The following DNAAF9 variants were observed in gnomAD, a reference collection of about 807,000 sequenced individuals.
The protein encoded by DNAAF9 is shulin.
DNAAF9 carries 90 observed loss-of-function variants against 167.0 expected under a neutral mutation model. The observed-to-expected ratio is 0.54, with a 90% CI of 0.45 to 0.64. DNAAF9 has a LOEUF of 0.64. Among genes scored for constraint, DNAAF9 ranks in the 30% least tolerant of loss-of-function variants. The pLI is 0.00. For missense variants in DNAAF9, 1,315 were observed against 1,442.2 expected (o/e 0.91, Z 1.43); for synonymous variants, 491 against 508.8 (o/e 0.96, Z 0.47).
At position 3,250,550 on chromosome 20, in the gene DNAAF9, A is replaced by G. The variant is rs1341308467; in HGVS notation, c.*2022T>C. The G allele has an allele frequency of 6.6e-6, 1 of 152,154 alleles. No individual in the cohort carries two copies. Among genetic ancestry groups the G allele is most frequent in the Non-Finnish European group, 1.5e-5 (1 of 68,020 alleles). The allele number at this position is 152,154 out of a possible 1,614,324, so 9.4% of individuals were successfully genotyped here. A position where few individuals can be genotyped will look rare whatever the true frequency, so the allele number is the denominator to read the frequency against. On this transcript the variant is annotated 3_prime_UTR_variant, in exon 37 of 37. Transcript: ENST00000252032. ...TTGAGGTAATCACAGTTTTTTCTCT[A>G]AGAGGAGAGGAGTTGGGACAGTGGG...
At position 3,264,450 on chromosome 20, in the gene DNAAF9, A is replaced by T; in HGVS notation, c.2861T>A (p.Met954Lys). The T allele has an allele frequency of 7.5e-6, 11 of 1,473,062 alleles. No homozygotes were observed. Among genetic ancestry groups the T allele is most frequent in the Non-Finnish European group, 1.0e-5 (11 of 1,051,738 alleles). 91.2% of individuals were successfully genotyped at this position (1,473,062 alleles called of 1,614,324 possible). The change falls in exon 31 of 37, where the codon ATG becomes AAG. Residue 954 changes from methionine to lysine, a missense_variant. By Grantham distance (95) the Met-to-Lys change is moderately conservative. Coordinates refer to ENST00000252032, the MANE Select transcript of DNAAF9 (RefSeq NM_001009984.3). ...TGATGATACTTGCCAGCCAGGATACATTAAATATCGAGATCGTAGCATCTC... is the reference window on the plus strand; with the variant it reads ...TGATGATACTTGCCAGCCAGGATACTTTAAATATCGAGATCGTAGCATCTC... The part of the protein sequence containing the change: ...SPEMLRSRYL[M>K]YPGWYEGKLN...
intron 1 of DNAAF9, among the ~76,000 whole-genome samples, chr20:3,385,282 C>G (rs2083717746): frequency 6.6e-6 from 1 of 152,028 alleles, no homozygotes; most frequent in African/African-American, 2.4e-5. Context: ...GAAAACTGTT[C>G]CTATTTGCAG....
At chr20:3,382,326 TCA>T (rs1287581876) in intron 2 of DNAAF9, 99 bp downstream of exon 2, 1 of 880,740 alleles carries the variant, frequency 1.1e-6, no homozygotes, top group Non-Finnish European at 1.9e-6. Flanking sequence ...GGACACCAAC[TCA>T]CAGCTTATTT....
intron 32 of DNAAF9, 37 bp downstream of exon 32, chr20:3,259,885 T>C: frequency 3.3e-6 from 4 of 1,205,276 alleles, no homozygotes; most frequent in Non-Finnish European, 3.7e-6. Flanking sequence ...TGGGACACCC[T>C]TTTTCCAGTG....
intron 21 of DNAAF9, among the ~76,000 whole-genome samples, chr20:3,298,885 A>C (rs1216108209): frequency 2.0e-5 from 3 of 151,330 alleles, no homozygotes; most frequent in Admixed American, 6.6e-5. Flanking sequence ...TATTTTCTTC[A>C]AAGAGTTTTA....
intron 29 of DNAAF9, 86 bp from the exon 30 acceptor site, chr20:3,270,648 C>T (rs2068577114): frequency 1.8e-6 from 2 of 1,122,148 alleles, no homozygotes; most frequent in South Asian, 1.3e-5. Context: ...TGCTCCATCC[C>T]CTAATCATGC....
At chr20:3,382,259 A>G (rs558713079) in intron 2 of DNAAF9, among the ~76,000 whole-genome samples, 168 bp downstream of exon 2, 1 of 152,286 alleles carries the variant, frequency 6.6e-6, no homozygotes, top group Admixed American at 6.5e-5. Context: ...TATCTCACTG[A>G]TAGCTCATCT....
rs540509921 is a variant in DNAAF9 at position 3,252,266 on chromosome 20, G to A, written c.*306C>T. Reference sequence around the variant, plus strand: ...TCCTAATGCTTCTCCCCAACCTCAAGAGCCCAAAGGAGATCCTGTTATCAG... The same window carrying A: ...TCCTAATGCTTCTCCCCAACCTCAAAAGCCCAAAGGAGATCCTGTTATCAG... On this transcript the variant is annotated 3_prime_UTR_variant, in exon 37 of 37. Coordinates refer to ENST00000252032, the MANE Select transcript of DNAAF9 (RefSeq NM_001009984.3). The A allele has an allele frequency of 1.3e-5, 3 of 235,234 alleles. No individual in the cohort carries two copies. Among genetic ancestry groups the A allele is most frequent in the Admixed American group, 5.2e-5 (1 of 19,320 alleles). 14.6% of individuals were successfully genotyped at this position (235,234 alleles called of 1,614,324 possible). A position where few individuals can be genotyped will look rare whatever the true frequency, so the allele number is the denominator to read the frequency against.
At chr20:3,382,805 G>A (rs2083678159) in intron 1 of DNAAF9, among the ~76,000 whole-genome samples, 1 of 152,150 alleles carries the variant, frequency 6.6e-6, no homozygotes, top group Non-Finnish European at 1.5e-5. Flanking sequence ...TGGTGGAAAG[G>A]ATTAAGACTC....
rs375877433 is a variant in DNAAF9 at position 3,291,811 on chromosome 20, T to C, written c.2239-1594A>G. ...TGTAGGACCCAGAAGCTGTCTCTTGTTCCCTCTGACCAGGGCCTCTACACC... is the reference window on the plus strand; with the variant it reads ...TGTAGGACCCAGAAGCTGTCTCTTGCTCCCTCTGACCAGGGCCTCTACACC... On this transcript the variant is annotated intron_variant, in intron 25 of 36. Transcript: ENST00000252032. Among the ~76,000 whole-genome samples, 29 of 152,168 alleles carry C rather than the reference T, an allele frequency of 1.9e-4. No individual in the cohort carries two copies. In the East Asian group the frequency reaches 4.1e-3, roughly 21 times the overall value.
rs1044847389 is a variant in DNAAF9, at chr20:3,374,205, C to T, written c.506-51G>A. ...ATATCAGATACCATCCTGAATATAA[C>T]AGTCTAAACCTGACCTAACATGGTT... On this transcript the variant is annotated intron_variant, in intron 5 of 36. Transcript: ENST00000252032. The T allele has an allele frequency of 2.4e-6, 3 of 1,258,572 alleles. No homozygotes were observed. In the African/African-American group the frequency reaches 4.4e-5, roughly 19 times the overall value. The allele number at this position is 1,258,572 out of a possible 1,614,324, so 78.0% of individuals were successfully genotyped here.
chr20:3,281,362 A>C (rs565174085), intron 28 of DNAAF9, among the ~76,000 whole-genome samples: 2 of 152,284 alleles, frequency 1.3e-5, no homozygotes, highest in African/African-American at 4.8e-5. Context: ...TAGTACACAC[A>C]TGTTGGAGCA....
chr20:3,384,079 GCCA>G (rs1433280475), intron 1 of DNAAF9: 1 of 152,052 alleles, frequency 6.6e-6, no homozygotes, highest in Non-Finnish European at 1.5e-5. Flanking sequence ...ACAGGCATGC[GCCA>G]CCACACCAGG....
chr20:3,377,791 T>C (rs2083595986), intron 3 of DNAAF9, among the ~76,000 whole-genome samples: 1 of 152,116 alleles, frequency 6.6e-6, no homozygotes, highest in Non-Finnish European at 1.5e-5. Flanking sequence ...GTTGGTCAGT[T>C]ATGCCTGAAT....
At chr20:3,313,947 C>T (rs573878536) in intron 20 of DNAAF9, among the ~76,000 whole-genome samples, 1 of 152,294 alleles carries the variant, frequency 6.6e-6, no homozygotes, top group African/African-American at 2.4e-5. Flanking sequence ...GAAACCTTAT[C>T]AAGGAACTGA....
Position 3,287,625 on chromosome 20 carries a change from T to G in DNAAF9, c.2486+7A>C. 1 of 1,614,002 alleles carries G rather than the reference T, an allele frequency of 6.2e-7. No homozygotes were observed. Among genetic ancestry groups the G allele is most frequent in the Non-Finnish European group, 8.5e-7 (1 of 1,179,880 alleles). On this transcript the variant is annotated splice_region_variant and intron_variant, in intron 27 of 36. Coordinates refer to ENST00000252032, the MANE Select transcript of DNAAF9 (RefSeq NM_001009984.3). ...TCGACTGTTTCCAGGAGACTTCCAATGCTCACCCTTGTAACACCACCAGCA... is the reference window on the plus strand; with the variant it reads ...TCGACTGTTTCCAGGAGACTTCCAAGGCTCACCCTTGTAACACCACCAGCA...
chr20:3,293,992 A>G, intron 25 of DNAAF9, 147 bp downstream of exon 25: 1 of 626,254 alleles, frequency 1.6e-6, no homozygotes, highest in East Asian at 2.6e-5. Flanking sequence ...ACATGTTATC[A>G]TTACATTTCA....
At chr20:3,321,945 A>G (rs1284403183) in intron 16 of DNAAF9, among the ~76,000 whole-genome samples, 1 of 152,178 alleles carries the variant, frequency 6.6e-6, no homozygotes, top group Non-Finnish European at 1.5e-5. Flanking sequence ...CATAACCCAG[A>G]AAGAGGTGCC....
At chr20:3,337,696 T>C (rs1177222841) in intron 10 of DNAAF9, among the ~76,000 whole-genome samples, 1 of 151,526 alleles carries the variant, frequency 6.6e-6, no homozygotes, top group East Asian at 1.9e-4. Flanking sequence ...TATAAATTAA[T>C]AACTAATCGA....
Sources: allele counts gnomAD v4.1 joint callset (sites outside exome capture counted in the v4.1 genomes callset), GRCh38; gene constraint gnomAD v4.1.1; transcripts MANE v1.5; gene names NCBI Gene and HGNC (gene_info 2026-07-23, HGNC 2026-07-21).